The following NRG3 variants were observed in gnomAD, a reference collection of about 807,000 sequenced individuals.
The protein encoded by NRG3 is neuregulin 3, also known as pro-neuregulin-3, membrane-bound isoform.
NRG3 carries 31 observed loss-of-function variants against 66.9 expected under a neutral mutation model. That is an observed-to-expected ratio of 0.46 (90% confidence interval 0.35 to 0.63). The LOEUF (loss-of-function observed/expected upper bound fraction) is 0.63. NRG3 is among the 20% of genes least tolerant of loss of function. The pLI, the probability that NRG3 is intolerant of heterozygous loss-of-function variation, is 0.00. For missense variants in NRG3, 910 were observed against 878.9 expected (o/e 1.04, Z -0.45); for synonymous variants, 393 against 359.4 (o/e 1.09, Z -1.06).
At chr10:82,958,766 G>A (rs1401399924) in intron 5 of NRG3, among the ~76,000 whole-genome samples, 183 bp from the exon 6 acceptor site, 1 of 152,140 alleles carries the variant, frequency 6.6e-6, no homozygotes, top group Non-Finnish European at 1.5e-5. Flanking sequence ...GATGATATCA[G>A]GTTATCACTA....
chr10:82,125,111 T>A (rs2068351134), intron 1 of NRG3, among the ~76,000 whole-genome samples: 1 of 152,010 alleles, frequency 6.6e-6, no homozygotes, highest in South Asian at 2.1e-4. Context: ...ATGAAAGAAA[T>A]ATTACCATGG....
At chr10:82,613,131 C>T (rs1302768336) in intron 2 of NRG3, among the ~76,000 whole-genome samples, 2 of 152,136 alleles carry the variant, frequency 1.3e-5, no homozygotes, top group Non-Finnish European at 2.9e-5. Context: ...TAGAAATAAA[C>T]ATTCTGTAAG....
intron 2 of NRG3, among the ~76,000 whole-genome samples, chr10:82,641,004 T>A (rs2050535802): frequency 7.9e-6 from 1 of 127,154 alleles, no homozygotes; most frequent in Non-Finnish European, 1.6e-5. Context: ...AATTTTTCAG[T>A]CTGTCGTTTT....
intron 4 of NRG3, among the ~76,000 whole-genome samples, chr10:82,883,649 C>G (rs916998515): frequency 6.6e-6 from 1 of 152,082 alleles, no homozygotes; most frequent in African/African-American, 2.4e-5. Context: ...ATTATCTTGG[C>G]TTCTCTCTAA....
In NRG3 at chr10:82,730,912, A is replaced by G. The variant is rs571764699; in HGVS notation, c.954-7665A>G. Among the ~76,000 whole-genome samples the G allele has an allele frequency of 2.0e-4, 30 of 152,238 alleles. No individual in the cohort carries two copies. The South Asian group carries it at 5.8e-3, about 29-fold the overall frequency. On this transcript the variant is annotated intron_variant, in intron 2 of 8. Transcript: ENST00000372141. ...TTTGTCCACCCAGAACACACTTTGCATTTAGACTGAGGCCTCCTTTGAAAT... is the reference window on the plus strand; with the variant it reads ...TTTGTCCACCCAGAACACACTTTGCGTTTAGACTGAGGCCTCCTTTGAAAT...
intron 2 of NRG3, among the ~76,000 whole-genome samples, chr10:82,561,695 A>G (rs2045056275): frequency 6.6e-6 from 1 of 152,196 alleles, no homozygotes; most frequent in Non-Finnish European, 1.5e-5. Context: ...TTCAAGAAAT[A>G]TGCTAGATCC....
chr10:82,887,714 C>A (rs1055909187), intron 4 of NRG3, among the ~76,000 whole-genome samples: 5 of 152,224 alleles, frequency 3.3e-5, no homozygotes, highest in African/African-American at 7.2e-5. Context: ...AGGCACTGCA[C>A]AAGCTCTATC....
At chr10:82,950,552 T>C (rs556655521) in intron 4 of NRG3, among the ~76,000 whole-genome samples, 1 of 152,340 alleles carries the variant, frequency 6.6e-6, no homozygotes, top group African/African-American at 2.4e-5. Flanking sequence ...GGCAGTTTCT[T>C]GGATTTGTGT....
chr10:82,707,257 G>T (rs2056364807), intron 2 of NRG3, among the ~76,000 whole-genome samples: 1 of 151,572 alleles, frequency 6.6e-6, no homozygotes, highest in African/African-American at 2.4e-5. Context: ...CACAGTGTAT[G>T]GATTTTTTTC....
intron 1 of NRG3, among the ~76,000 whole-genome samples, chr10:82,227,731 G>A (rs1414769): frequency 0.12 from 18,978 of 152,122 alleles, 1,469 homozygotes; most frequent in African/African-American, 0.21. Flanking sequence ...TAAAAAACAT[G>A]GTGTTGGCAG....
rs185119107 is a variant in NRG3, at chr10:82,013,607, T to C, written c.823+137444T>C. 8.5e-5 allele frequency among the ~76,000 whole-genome samples: 13 copies of C among 152,276 alleles called. No individual in the cohort carries two copies. The East Asian group carries it at 2.1e-3, about 25-fold the overall frequency. On this transcript the variant is annotated intron_variant, in intron 1 of 8. Transcript: ENST00000372141. ...TATTTCAGTGAATAAGTTTCAGAAA[T>C]TCAACGTCGTATGTTTTTTTTCTTT...
chr10:82,820,770 G>T (rs951682596), intron 3 of NRG3, among the ~76,000 whole-genome samples: 5 of 152,182 alleles, frequency 3.3e-5, no homozygotes, highest in African/African-American at 4.8e-5. Flanking sequence ...AGTTCATCTT[G>T]TTAAGTGGTT....
intron 1 of NRG3, among the ~76,000 whole-genome samples, chr10:82,354,267 C>G (rs1378698060): frequency 6.6e-6 from 1 of 151,842 alleles, no homozygotes; most frequent in African/African-American, 2.4e-5. Context: ...TCACAGACTC[C>G]TGGGTTCAAG....
chr10:82,050,427 A>C (rs779847543), intron 1 of NRG3, among the ~76,000 whole-genome samples: 1 of 151,986 alleles, frequency 6.6e-6, no homozygotes, highest in Non-Finnish European at 1.5e-5. Flanking sequence ...GAATAGATGA[A>C]TGGGTGGCTG....
At position 82,202,378 on chromosome 10, in the gene NRG3, T is replaced by C. The variant is rs921478674; in HGVS notation, c.824-156361T>C. 3.9e-5 allele frequency among the ~76,000 whole-genome samples: 6 copies of C among 152,160 alleles called. No individual in the cohort carries two copies. The South Asian group carries it at 1.2e-3, about 32-fold the overall frequency. On this transcript the variant is annotated intron_variant, in intron 1 of 8. Transcript: ENST00000372141. ...GATTGAGGGGGTAAATGAAGGAGCA[T>C]GTGAGTCTTCCTTGGTTTTTCCCTG...
At chr10:81,960,864 C>T (rs1380508132) in intron 1 of NRG3, among the ~76,000 whole-genome samples, 3 of 151,994 alleles carry the variant, frequency 2.0e-5, no homozygotes, top group African/African-American at 7.3e-5. Context: ...AAATCCCTGG[C>T]TTTAGGAAGA....
intron 3 of NRG3, among the ~76,000 whole-genome samples, chr10:82,804,658 G>A (rs1386727882): frequency 1.3e-5 from 2 of 152,200 alleles, no homozygotes; most frequent in Non-Finnish European, 2.9e-5. Flanking sequence ...GAATGCATAT[G>A]TGAAGCATTT....
intron 1 of NRG3, among the ~76,000 whole-genome samples, chr10:82,112,553 A>G (rs547398890): frequency 3.9e-5 from 6 of 152,160 alleles, no homozygotes; most frequent in Non-Finnish European, 8.8e-5. Flanking sequence ...ATGTTTATCA[A>G]GTATTTTCTT....
chr10:82,067,973 T>C, intron 1 of NRG3, among the ~76,000 whole-genome samples: 1 of 152,200 alleles, frequency 6.6e-6, no homozygotes, highest in Non-Finnish European at 1.5e-5. Context: ...CAGAAAAGCA[T>C]ATTCCTCTTT....
Sources: allele counts gnomAD v4.1 joint callset (sites outside exome capture counted in the v4.1 genomes callset), GRCh38; gene constraint gnomAD v4.1.1; transcripts MANE v1.5; gene names NCBI Gene and HGNC (gene_info 2026-07-23, HGNC 2026-07-21).